The following SULF1 variants were observed in gnomAD, a reference collection of about 807,000 sequenced individuals.
SULF1 encodes extracellular sulfatase Sulf-1.
Under a neutral mutation model 110.5 loss-of-function variants are expected in SULF1, and 46 were observed. That is an observed-to-expected ratio of 0.42 (90% CI 0.33 to 0.53). SULF1 has a LOEUF of 0.53. SULF1 is among the 20% of genes least tolerant of loss of function. SULF1 has a pLI of 0.12. For missense variants in SULF1, 941 were observed against 1,094.2 expected, an observed-to-expected ratio of 0.86 and a Z score of 1.98; for synonymous variants, 371 against 387.1, an observed-to-expected ratio of 0.96 and a Z score of 0.49.
At chr8:69,500,710 C>T (rs889584203) in intron 2 of SULF1, among the ~76,000 whole-genome samples, 10 of 152,134 alleles carry the variant, frequency 6.6e-5, no homozygotes, top group Non-Finnish European at 1.3e-4. Context: ...ACTCCCCAAC[C>T]CCCAGGAGGA....
chr8:69,479,403 G>C (rs1230596872), intron 1 of SULF1, among the ~76,000 whole-genome samples: 1 of 152,152 alleles, frequency 6.6e-6, no homozygotes, highest in African/African-American at 2.4e-5. Flanking sequence ...ATCGTATTGG[G>C]TGTTTTTTTC....
intron 19 of SULF1, among the ~76,000 whole-genome samples, chr8:69,631,970 G>A (rs551938731): frequency 6.6e-6 from 1 of 152,322 alleles, no homozygotes; most frequent in South Asian, 2.1e-4. Context: ...CCACTAGACT[G>A]TGAGTTTCTC....
intron 3 of SULF1, among the ~76,000 whole-genome samples, chr8:69,555,538 T>A (rs922387648): frequency 1.3e-5 from 2 of 152,016 alleles, no homozygotes; most frequent in African/African-American, 2.4e-5. Flanking sequence ...ATACCTGTAA[T>A]CCCAGCTACT....
intron 3 of SULF1, among the ~76,000 whole-genome samples, chr8:69,521,720 G>A (rs939957708): frequency 6.6e-6 from 1 of 151,822 alleles, no homozygotes; most frequent in African/African-American, 2.4e-5. Flanking sequence ...TATTTCTCCA[G>A]ATGAAAAGGA....
At chr8:69,569,309 T>A (rs1805046067) in intron 5 of SULF1, among the ~76,000 whole-genome samples, 1 of 152,224 alleles carries the variant, frequency 6.6e-6, no homozygotes, top group Non-Finnish European at 1.5e-5. Context: ...TGTTGTTTGA[T>A]GAGCATACTT....
At chr8:69,469,057 C>A (rs996397787) in intron 1 of SULF1, among the ~76,000 whole-genome samples, 1 of 152,180 alleles carries the variant, frequency 6.6e-6, no homozygotes. Context: ...AAACGGCAGC[C>A]GTGTTTTTGT....
chr8:69,470,570 A>G (rs936284021), intron 1 of SULF1, among the ~76,000 whole-genome samples: 1 of 151,858 alleles, frequency 6.6e-6, no homozygotes, highest in Non-Finnish European at 1.5e-5. Context: ...GCCCATAGCT[A>G]CCATCCCAGC....
chr8:69,539,713 T>G (rs1813733674), intron 3 of SULF1, among the ~76,000 whole-genome samples: 1 of 152,216 alleles, frequency 6.6e-6, no homozygotes. Flanking sequence ...TTCTACGATT[T>G]CTACGGAAGA....
At chr8:69,635,364 G>GATGTCTAT (rs1810906558) in intron 19 of SULF1, among the ~76,000 whole-genome samples, 1 of 152,228 alleles carries the variant, frequency 6.6e-6, no homozygotes, top group Admixed American at 6.5e-5. Context: ...CCTGGTGAGG[G>GATGTCTAT]ATGTCTATGG....
rs536073966 is a variant in SULF1 at position 69,649,972 on chromosome 8, C to CTTTTTTTTTTTTTTTTTTT, written c.2586-8514_2586-8496dup. On this transcript the variant is annotated intron_variant, in intron 22 of 22. Coordinates refer to ENST00000402687, the MANE Select transcript of SULF1 (RefSeq NM_001128205.2). ...CCCACTCTGTAATTCCTCCTGCTTG[C>CTTTTTTTTTTTTTTTTTTT]TTTTTTTTTTTTTTTTTTTTTTTTT... 1.3e-4 allele frequency among the ~76,000 whole-genome samples: 4 copies of CTTTTTTTTTTTTTTTTTTT among 30,588 alleles called. 2 individuals carry two copies. Among genetic ancestry groups the CTTTTTTTTTTTTTTTTTTT allele is most frequent in the African/African-American group, 4.4e-4 (4 of 9,140 alleles). 20.1% of individuals were successfully genotyped at this position (30,588 alleles called of 152,430 possible).
rs1251510417 is a variant in SULF1, at chr8:69,658,891, T to G, written c.*356T>G. ...AACCCTGCATTTGAACCGACCAACA[T>G]TAAGTCCAGAGAGTAAACTTGAATG... is the stretch of plus-strand genomic sequence containing the variant. On this transcript the variant is annotated 3_prime_UTR_variant, in exon 23 of 23. Coordinates refer to ENST00000402687, the MANE Select transcript of SULF1 (RefSeq NM_001128205.2). 3 of 496,594 alleles carry G rather than the reference T, an allele frequency of 6.0e-6. No individual in the cohort carries two copies. The highest frequency in any genetic ancestry group is 5.8e-5 in the African/African-American group (3 of 51,812). 30.8% of individuals were successfully genotyped at this position (496,594 alleles called of 1,614,324 possible).
At chr8:69,544,980 T>G (rs1018792295) in intron 3 of SULF1, among the ~76,000 whole-genome samples, 1 of 152,154 alleles carries the variant, frequency 6.6e-6, no homozygotes, top group Non-Finnish European at 1.5e-5. Flanking sequence ...TGTGTGAAGA[T>G]TCTAGGCTTT....
intron 12 of SULF1, among the ~76,000 whole-genome samples, chr8:69,603,861 G>A (rs538111094): frequency 6.0e-4 from 91 of 152,306 alleles, no homozygotes; most frequent in Middle Eastern, 3.4e-3. Context: ...TAACCCTCAA[G>A]TTGGTTAATT....
chr8:69,488,707 A>G (rs532383241), upstream of SULF1, among the ~76,000 whole-genome samples: 36 of 152,184 alleles, frequency 2.4e-4, no homozygotes, highest in African/African-American at 8.4e-4. Context: ...CCAAATACAC[A>G]GCACCCAACA....
rs149622961 is a variant in SULF1, at chr8:69,654,887, C to T, written c.2586-3618C>T. 2.8e-3 allele frequency among the ~76,000 whole-genome samples: 425 copies of T among 152,326 alleles called. 2 individuals are homozygous for T. Among genetic ancestry groups the T allele is most frequent in the African/African-American group, 9.7e-3 (405 of 41,580 alleles). ...TCTAAGGATAATGTGCACCATTATA[C>T]GTCCATTTGATGTGAGCTATCTTTG... is the stretch of plus-strand genomic sequence containing the variant. On this transcript the variant is annotated intron_variant, in intron 22 of 22. Coordinates refer to ENST00000402687, the MANE Select transcript of SULF1 (RefSeq NM_001128205.2).
intron 6 of SULF1, among the ~76,000 whole-genome samples, chr8:69,582,867 G>A (rs946914563): frequency 6.6e-6 from 1 of 152,134 alleles, no homozygotes; most frequent in African/African-American, 2.4e-5. Flanking sequence ...ACTGCATTTT[G>A]TTGGAAAAGG....
chr8:69,508,494 T>C (rs908474210), intron 3 of SULF1, among the ~76,000 whole-genome samples: 1 of 152,236 alleles, frequency 6.6e-6, no homozygotes, highest in African/African-American at 2.4e-5. Flanking sequence ...AAGAAAGTGC[T>C]TAATATTCTT....
intron 22 of SULF1, among the ~76,000 whole-genome samples, chr8:69,647,639 C>T (rs1399995243): frequency 2.0e-5 from 3 of 152,094 alleles, no homozygotes; most frequent in Non-Finnish European, 4.4e-5. Context: ...CAGTGGCTCA[C>T]ACCTGTAATC....
chr8:69,572,724 G>A (rs893273855), intron 5 of SULF1, among the ~76,000 whole-genome samples: 4 of 152,206 alleles, frequency 2.6e-5, no homozygotes, highest in African/African-American at 9.6e-5. Context: ...CTTGGGGTGG[G>A]TACAGGATTC....
Sources: gnomAD v4.1 joint callset for allele counts (sites outside exome capture counted in the v4.1 genomes callset) on GRCh38, gnomAD v4.1.1 for gene constraint, MANE v1.5 for transcripts, NCBI Gene and HGNC (gene_info 2026-07-23, HGNC 2026-07-21) for gene names.